DYSF: variants seen among roughly 807,000 people sequenced by gnomAD.
The protein encoded by DYSF is dysferlin, also known as dystrophy-associated fer-1-like 1.
In DYSF, 212 loss-of-function variants were observed where a neutral mutation model predicts 274.9. The observed-to-expected ratio is 0.77, with a 90% CI of 0.69 to 0.86. DYSF has a LOEUF of 0.86. DYSF is among the 40% of genes least tolerant of loss of function. The pLI is 0.00. For missense variants in DYSF, 2,666 were observed against 2,783.2 expected, an observed-to-expected ratio of 0.96 and a Z score of 0.95; for synonymous variants, 1,091 against 1,078.7, an observed-to-expected ratio of 1.01 and a Z score of -0.22.
intron 17 of DYSF, among the ~76,000 whole-genome samples, chr2:71,550,225 T>C (rs1322226406): frequency 6.6e-6 from 1 of 152,230 alleles, no homozygotes; most frequent in Admixed American, 6.5e-5. Flanking sequence ...TGTGGCATTT[T>C]AGGGTTTTCA....
chr2:71,586,362 G>T (rs116032015), intron 30 of DYSF, among the ~76,000 whole-genome samples: 2,858 of 152,232 alleles, frequency 0.019, 78 homozygotes, highest in African/African-American at 0.062. Flanking sequence ...TGAGGTAGAG[G>T]GAGAAGGTCA....
At chr2:71,556,129 C>T (rs1177572690) in intron 22 of DYSF, 58 bp downstream of exon 22, 57 of 1,409,248 alleles carry the variant, frequency 4.0e-5, no homozygotes, top group Admixed American at 1.2e-4. Flanking sequence ...GGGCCTGTTT[C>T]GCTGGGAGTG....
chr2:71,590,461 C>G (rs1397643595), intron 32 of DYSF, among the ~76,000 whole-genome samples, 173 bp downstream of exon 32: 1 of 152,158 alleles, frequency 6.6e-6, no homozygotes, highest in African/African-American at 2.4e-5. Context: ...TGTCCATGGC[C>G]TGCTGGTCTT....
At chr2:71,512,796 CCAGCACAGGGCT>C (rs57372420) in intron 5 of DYSF, among the ~76,000 whole-genome samples, 86,384 of 151,934 alleles carry the variant, frequency 0.57, 25,269 homozygotes, top group African/African-American at 0.62. Context: ...TGGGGCCAGC[CCAGCACAGGGCT>C]CTGTGGTGAG....
At chr2:71,472,005 A>AT (rs1161554728) in intron 1 of DYSF, among the ~76,000 whole-genome samples, 2 of 152,108 alleles carry the variant, frequency 1.3e-5, no homozygotes, top group African/African-American at 4.8e-5. Context: ...ATCCAGGGTC[A>AT]TTTTTTATGT....
chr2:71,631,619 C>T (rs1429309165), intron 41 of DYSF, among the ~76,000 whole-genome samples: 7 of 152,144 alleles, frequency 4.6e-5, no homozygotes, highest in East Asian at 1.9e-4. Flanking sequence ...CAGGGGGAGG[C>T]GAGGGGAGGG....
At chr2:71,552,889 G>A in intron 19 of DYSF, 122 bp from the exon 20 acceptor site, 2 of 989,394 alleles carry the variant, frequency 2.0e-6, no homozygotes, top group South Asian at 2.7e-5. Context: ...CCACCCGTCA[G>A]TCCAGCCAGG....
At chr2:71,474,019 C>T (rs1291921220) in intron 1 of DYSF, among the ~76,000 whole-genome samples, 3 of 151,118 alleles carry the variant, frequency 2.0e-5, no homozygotes, top group East Asian at 3.9e-4. Flanking sequence ...CTCTGCCTCC[C>T]GGGTTCGAGT....
chr2:71,673,690 C>T (rs1278264381), intron 51 of DYSF, among the ~76,000 whole-genome samples: 2 of 152,102 alleles, frequency 1.3e-5, no homozygotes, highest in Non-Finnish European at 2.9e-5. Flanking sequence ...AACCCAGCTG[C>T]CAGGGTTTGA....
intron 32 of DYSF, among the ~76,000 whole-genome samples, chr2:71,592,127 T>G (rs890482802): frequency 6.6e-6 from 1 of 151,820 alleles, no homozygotes; most frequent in Non-Finnish European, 1.5e-5. Context: ...CGGGAGCGGG[T>G]TTGTGAGAGG....
rs1455953354 is a variant in DYSF, at chr2:71,574,071, T to C, written c.3229-127T>C. ...GGTGGCCCTCCCAGGTTTTCCCACC[T>C]GGAGGGCACTAGTGTGGGAGCTGGT... On this transcript the variant is annotated intron_variant, in intron 29 of 55. Transcript: ENST00000410020. 1.2e-5 allele frequency: 15 copies of C among 1,208,778 alleles called. No homozygotes were observed. In the Admixed American group the frequency reaches 3.0e-4, roughly 24 times the overall value. The allele number at this position is 1,208,778 out of a possible 1,614,324, so 74.9% of individuals were successfully genotyped here.
chr2:71,552,925 G>C, intron 19 of DYSF, 86 bp from the exon 20 acceptor site: 2 of 1,442,484 alleles, frequency 1.4e-6, no homozygotes, highest in Non-Finnish European at 1.9e-6. Flanking sequence ...GTTATGGCCG[G>C]GGCCTGCCAG....
In DYSF at chr2:71,601,521, G is replaced by T. The variant is rs1473548902; in HGVS notation, c.3920G>T (p.Gly1307Val). Residue 1307 changes from glycine to valine, a missense_variant, in exon 35 of 56, where the codon GGT becomes GTT. Gly to Val is a moderately radical substitution (Grantham distance 109, BLOSUM62 -3). Around this residue, in one of 3 missense-constraint regions of DYSF, gnomAD observed 1,460 missense variants for 1,502.1 expected, o/e 0.97. Transcript: ENST00000410020. Reference protein sequence around the residue: ...REKPAIHHIPGFEVQETSRIL... With the variant: ...REKPAIHHIPVFEVQETSRIL... Reference sequence around the variant, plus strand: ...CAGCCGGCCATCCACCATATTCCTGGTTTTGAGGTAAGTCTTGCTCTGACC... The same window carrying T: ...CAGCCGGCCATCCACCATATTCCTGTTTTTGAGGTAAGTCTTGCTCTGACC... The T allele has an allele frequency of 1.2e-6, 2 of 1,614,186 alleles. No homozygotes were observed. The highest frequency in any genetic ancestry group is 1.7e-6 in the Non-Finnish European group (2 of 1,180,038).
intron 1 of DYSF, among the ~76,000 whole-genome samples, chr2:71,467,828 G>A (rs895956722): frequency 2.0e-5 from 3 of 152,054 alleles, no homozygotes; most frequent in African/African-American, 7.2e-5. Flanking sequence ...AAAAATCTAC[G>A]TATCAGAAAA....
chr2:71,665,337 G>C, intron 47 of DYSF, 33 bp downstream of exon 47: 1 of 1,613,748 alleles, frequency 6.2e-7, no homozygotes, highest in South Asian at 1.1e-5. Flanking sequence ...ACCATGGTGG[G>C]CTCTCGCTGT....
At chr2:71,585,718 A>T (rs377572168) in intron 30 of DYSF, among the ~76,000 whole-genome samples, 1 of 152,100 alleles carries the variant, frequency 6.6e-6, no homozygotes, top group Admixed American at 6.5e-5. Flanking sequence ...TTGTTCACCA[A>T]TGATGTGTTG....
At position 71,615,108 on chromosome 2, in the gene DYSF, A is replaced by T. The variant is rs1480750404; in HGVS notation, c.4464+1698A>T. ...AAAATGTCTACACACTCAGATGGGGAGGGACTATTTTAGGTCCTGCTGGCC... is the reference window on the plus strand; with the variant it reads ...AAAATGTCTACACACTCAGATGGGGTGGGACTATTTTAGGTCCTGCTGGCC... On this transcript the variant is annotated intron_variant, in intron 40 of 55. Transcript: ENST00000410020. This position sits in a 1 kb window ranked among gnomAD's most constrained non-coding sequence, Gnocchi z 4.9. Among the ~76,000 whole-genome samples the T allele has an allele frequency of 6.6e-6, 1 of 152,030 alleles. No individual in the cohort carries two copies. Among genetic ancestry groups the T allele is most frequent in the African/African-American group, 2.4e-5 (1 of 41,376 alleles).
At chr2:71,635,941 A>G (rs2094395722) in intron 41 of DYSF, among the ~76,000 whole-genome samples, 1 of 152,214 alleles carries the variant, frequency 6.6e-6, no homozygotes, top group African/African-American at 2.4e-5. Flanking sequence ...GTGATTTACA[A>G]TATGGGAAAT....
chr2:71,617,692 G>GTA (rs2093922038), intron 40 of DYSF, among the ~76,000 whole-genome samples: 1 of 140,978 alleles, frequency 7.1e-6, no homozygotes, highest in Non-Finnish European at 1.5e-5. Flanking sequence ...GAGGTGGGGT[G>GTA]TGTGCGTGTG....
Sources: allele counts gnomAD v4.1 joint callset (sites outside exome capture counted in the v4.1 genomes callset), GRCh38; gene constraint gnomAD v4.1.1; regional missense constraint gnomAD v4.1.1; non-coding constraint Gnocchi (gnomAD v3.1); transcripts MANE v1.5; gene names NCBI Gene and HGNC (gene_info 2026-07-23, HGNC 2026-07-21).